The following PRKN variants were observed in gnomAD, a reference collection of about 807,000 sequenced individuals.
The protein encoded by PRKN is E3 ubiquitin-protein ligase parkin.
PRKN carries 56 observed loss-of-function variants against 59.5 expected under a neutral mutation model. That is an observed-to-expected ratio of 0.94 (90% CI 0.76 to 1.18). The LOEUF (loss-of-function observed/expected upper bound fraction) is 1.18, where lower values mean the gene tolerates loss of function less well. PRKN is among the 50% of genes most tolerant of loss of function. The pLI is 0.00. For missense variants in PRKN, 657 were observed against 596.4 expected (o/e 1.10, Z -1.06); for synonymous variants, 250 against 222.1 (o/e 1.13, Z -1.12).
At chr6:162,014,632 C>T (rs1782865183) in intron 5 of PRKN, among the ~76,000 whole-genome samples, 1 of 152,102 alleles carries the variant, frequency 6.6e-6, no homozygotes, top group African/African-American at 2.4e-5. Context: ...CTCCCTATAC[C>T]ACTCCCTATA....
chr6:161,959,893 C>T (rs1393808847), intron 6 of PRKN, among the ~76,000 whole-genome samples: 1 of 152,186 alleles, frequency 6.6e-6, no homozygotes, highest in Non-Finnish European at 1.5e-5. Flanking sequence ...GATCTGCCCC[C>T]AGTCAGACAA....
intron 2 of PRKN, among the ~76,000 whole-genome samples, chr6:162,322,015 A>T (rs1783044611): frequency 6.6e-6 from 1 of 152,022 alleles, no homozygotes; most frequent in South Asian, 2.1e-4. Context: ...AGTCAAGAAA[A>T]ATAAAATGCA....
Position 161,629,361 on chromosome 6 carries a change from G to A in PRKN, c.872-59945C>T, listed in dbSNP as rs556215232. On this transcript the variant is annotated intron_variant, in intron 7 of 11. Coordinates refer to ENST00000366898, the MANE Select transcript of PRKN (RefSeq NM_004562.3). ...ACTGACATCGGTTAGGGTGCAGTCAGGAGCGATTTCAGAAGCCGCACTACA... is the reference window on the plus strand; with the variant it reads ...ACTGACATCGGTTAGGGTGCAGTCAAGAGCGATTTCAGAAGCCGCACTACA... Among the ~76,000 whole-genome samples, 4 of 152,202 alleles carry A rather than the reference G, an allele frequency of 2.6e-5. No individual in the cohort carries two copies. The South Asian group carries it at 8.3e-4, about 32-fold the overall frequency.
chr6:162,724,505 C>T (rs1436784080), intron 1 of PRKN, among the ~76,000 whole-genome samples: 3 of 152,136 alleles, frequency 2.0e-5, no homozygotes, highest in Non-Finnish European at 4.4e-5. Flanking sequence ...CCCATCTTTA[C>T]GTTTCTCCTT....
intron 9 of PRKN, among the ~76,000 whole-genome samples, chr6:161,517,430 A>G (rs1583179664): frequency 6.6e-6 from 1 of 152,088 alleles, no homozygotes; most frequent in African/African-American, 2.4e-5. Flanking sequence ...CCACACAGTT[A>G]TAAGATGAAA....
At chr6:161,710,524 C>T (rs1026506347) in intron 7 of PRKN, among the ~76,000 whole-genome samples, 2 of 152,036 alleles carry the variant, frequency 1.3e-5, no homozygotes, top group Non-Finnish European at 2.9e-5. Flanking sequence ...GGAGTGTGTG[C>T]ATATCTGTGT....
Position 162,367,943 on chromosome 6 carries a change from C to A in PRKN, c.171+75367G>T, listed in dbSNP as rs567477876. Among the ~76,000 whole-genome samples the A allele has an allele frequency of 3.9e-5, 6 of 152,240 alleles. No homozygotes were observed. In the East Asian group the frequency reaches 1.2e-3, roughly 29 times the overall value. On this transcript the variant is annotated intron_variant, in intron 2 of 11. Transcript: ENST00000366898. ...GGGCCGACTGAGTGGGTAGAAACCA[C>A]CAAGGCACTGCCTCCCAGTCACGGA... is the stretch of plus-strand genomic sequence containing the variant.
intron 7 of PRKN, among the ~76,000 whole-genome samples, chr6:161,721,621 T>C (rs76008375): frequency 0.041 from 6,214 of 152,226 alleles, 437 homozygotes; most frequent in African/African-American, 0.14. Context: ...CATAAATGGA[T>C]TTTATGGACG....
chr6:161,464,793 A>C (rs1004382818), intron 9 of PRKN, among the ~76,000 whole-genome samples: 2 of 152,262 alleles, frequency 1.3e-5, no homozygotes, highest in African/African-American at 4.8e-5. Context: ...AAGGTCTCTT[A>C]TGAATCCCCA....
chr6:162,541,854 A>T (rs1346710221), intron 1 of PRKN, among the ~76,000 whole-genome samples: 1 of 152,120 alleles, frequency 6.6e-6, no homozygotes, highest in Non-Finnish European at 1.5e-5. Context: ...TCTGGCCCCA[A>T]TATCTTCTGA....
chr6:162,039,093 T>C (rs1431202737), intron 5 of PRKN, among the ~76,000 whole-genome samples: 2 of 151,898 alleles, frequency 1.3e-5, no homozygotes, highest in Non-Finnish European at 2.9e-5. Flanking sequence ...GAGGCGCAGC[T>C]TGCAGTGAGC....
intron 9 of PRKN, among the ~76,000 whole-genome samples, chr6:161,477,279 A>G (rs1185334243): frequency 1.3e-5 from 2 of 152,190 alleles, no homozygotes; most frequent in African/African-American, 4.8e-5. Context: ...GCACTTTGGG[A>G]GGCCCAGGCG....
At chr6:162,583,625 A>G (rs1780878023) in intron 1 of PRKN, among the ~76,000 whole-genome samples, 1 of 152,154 alleles carries the variant, frequency 6.6e-6, no homozygotes, top group African/African-American at 2.4e-5. Context: ...ATCACTCAGC[A>G]TCTCTCTGTT....
intron 2 of PRKN, among the ~76,000 whole-genome samples, chr6:162,307,198 G>A (rs933163510): frequency 2.0e-5 from 3 of 151,888 alleles, no homozygotes; most frequent in African/African-American, 4.8e-5. Context: ...TCAAGAGTTC[G>A]AGACCAGCCT....
chr6:161,874,944 TTATAG>T (rs1562356477), intron 6 of PRKN, among the ~76,000 whole-genome samples: 2 of 85,706 alleles, frequency 2.3e-5, no homozygotes, highest in African/African-American at 1.3e-4. Context: ...ATATAATATA[TTATAG>T]GTACTTTATA....
At chr6:161,867,177 AC>A (rs750051772) in intron 6 of PRKN, among the ~76,000 whole-genome samples, 7 of 152,066 alleles carry the variant, frequency 4.6e-5, no homozygotes, top group Non-Finnish European at 8.8e-5. Context: ...GAGATTGGAA[AC>A]CCTTAGAATT....
chr6:161,555,032 C>T (rs1780183995), intron 8 of PRKN, among the ~76,000 whole-genome samples: 1 of 151,974 alleles, frequency 6.6e-6, no homozygotes, highest in Non-Finnish European at 1.5e-5. Context: ...TTTTAGGGTT[C>T]ACTTTGTTCA....
intron 5 of PRKN, among the ~76,000 whole-genome samples, chr6:162,053,570 G>A (rs984913689): frequency 6.6e-6 from 1 of 152,068 alleles, no homozygotes; most frequent in Non-Finnish European, 1.5e-5. Context: ...GGATTACAAA[G>A]AACAGAGGAT....
Position 161,379,178 on chromosome 6 carries a change from G to A in PRKN, c.1167+7616C>T, listed in dbSNP as rs1785861973. On this transcript the variant is annotated intron_variant, in intron 10 of 11. Transcript: ENST00000366898. This position sits in a 1 kb window ranked among gnomAD's most constrained non-coding sequence, Gnocchi z 4.9. ...CTGTGGCATCTCTTGGTCCTCCCCT[G>A]CCCAATGTTGATAGCAAATCATTCA... 6.6e-6 allele frequency among the ~76,000 whole-genome samples: 1 copy of A among 152,118 alleles called. No individual in the cohort carries two copies. The highest frequency in any genetic ancestry group is 1.5e-5 in the Non-Finnish European group (1 of 68,014).
Sources: gnomAD v4.1 joint callset for allele counts (sites outside exome capture counted in the v4.1 genomes callset) on GRCh38, gnomAD v4.1.1 for gene constraint, Gnocchi (gnomAD v3.1) non-coding constraint, MANE v1.5 for transcripts, NCBI Gene and HGNC (gene_info 2026-07-23, HGNC 2026-07-21) for gene names.